Variants in PVT1 observed in about 807,000 individuals in gnomAD.
PVT1 encodes CXCR4/PVT1 fusion.
exon 3 of PVT1, chr8:127,890,974 C>T (rs1815593752): frequency 6.6e-6 from 1 of 152,450 alleles, no homozygotes; most frequent in Admixed American, 6.5e-5. Context: ...ATGCACGTTC[C>T]ATCCGGCGCT....
intron 3 of PVT1, among the ~76,000 whole-genome samples, chr8:127,950,416 G>A (rs985583940): frequency 5.9e-5 from 9 of 152,182 alleles, no homozygotes; most frequent in Admixed American, 1.3e-4. Context: ...GGGGAGATGC[G>A]GCCAGTTTCC....
At chr8:127,917,452 G>T (rs1206767827) in intron 3 of PVT1, among the ~76,000 whole-genome samples, 5 of 152,196 alleles carry the variant, frequency 3.3e-5, no homozygotes, top group Non-Finnish European at 7.3e-5. Flanking sequence ...TTTCATGAGG[G>T]TTATAGCCTG....
At chr8:127,912,795 C>G (rs1323968010) in intron 3 of PVT1, among the ~76,000 whole-genome samples, 1 of 152,020 alleles carries the variant, frequency 6.6e-6, no homozygotes, top group Non-Finnish European at 1.5e-5. Flanking sequence ...CTCCCGGGTT[C>G]AAGCAATTCT....
At chr8:127,919,010 T>C (rs953926644) in intron 3 of PVT1, among the ~76,000 whole-genome samples, 3 of 152,190 alleles carry the variant, frequency 2.0e-5, no homozygotes, top group Non-Finnish European at 2.9e-5. Flanking sequence ...TCGTTGGGGC[T>C]GTCCTGACAC....
rs1403308832 is a variant in PVT1 at position 127,898,515 on chromosome 8, C to T, written n.782+7517C>T. On this transcript the variant is annotated intron_variant and non_coding_transcript_variant, in intron 3 of 10. Transcript: ENST00000651587. This position sits in a 1 kb window ranked among gnomAD's most constrained non-coding sequence, Gnocchi z 4.4. Reference sequence around the variant, plus strand: ...TTGGAGACCAAGCTAGGCAGGGAAGCGCCTTTGCTTATCATGCTGGAGACC... The same window carrying T: ...TTGGAGACCAAGCTAGGCAGGGAAGTGCCTTTGCTTATCATGCTGGAGACC... 2.6e-5 allele frequency among the ~76,000 whole-genome samples: 4 copies of T among 152,186 alleles called. No individual in the cohort carries two copies. The highest frequency in any genetic ancestry group is 4.1e-4 in the South Asian group (2 of 4,828).
chr8:128,024,409 G>A (rs1455411002), intron 4 of PVT1, among the ~76,000 whole-genome samples: 1 of 152,108 alleles, frequency 6.6e-6, no homozygotes, highest in East Asian at 1.9e-4. Context: ...GATGGTTTGA[G>A]CCCAGGAATT....
chr8:127,984,846 T>C (rs369518182), intron 3 of PVT1, among the ~76,000 whole-genome samples: 3 of 13,156 alleles, frequency 2.3e-4, no homozygotes, highest in Non-Finnish European at 3.5e-4. Context: ...CTTTTCTTTC[T>C]TTCTTTCTTT....
rs576918597 is a variant in PVT1 at position 128,080,250 on chromosome 8, A to T, written n.1114+9889A>T. 5.4e-4 allele frequency among the ~76,000 whole-genome samples: 82 copies of T among 152,348 alleles called. 1 individual carries two copies. Among genetic ancestry groups the T allele is most frequent in the African/African-American group, 1.9e-3 (81 of 41,574 alleles). ...AAGTTTTCAGCTTATTTGGGTAAAT[A>T]TCAAGGTGTTCTGTTGCTAGATCTT... On this transcript the variant is annotated intron_variant and non_coding_transcript_variant, in intron 5 of 10. Coordinates refer to ENST00000651587, the Ensembl canonical transcript of PVT1.
At chr8:127,981,469 A>T (rs547032650) in intron 3 of PVT1, among the ~76,000 whole-genome samples, 4 of 152,360 alleles carry the variant, frequency 2.6e-5, no homozygotes, top group Admixed American at 1.3e-4. Context: ...CCAAGTGATC[A>T]GAACGCTTTT....
chr8:127,838,116 C>T (rs1169122497), intron 2 of PVT1, among the ~76,000 whole-genome samples: 2 of 151,902 alleles, frequency 1.3e-5, no homozygotes, highest in African/African-American at 2.4e-5. Flanking sequence ...AGGCTGGTCT[C>T]GAACTCCCAA....
chr8:128,005,338 G>A (rs1817233376), intron 4 of PVT1, among the ~76,000 whole-genome samples: 2 of 152,104 alleles, frequency 1.3e-5, no homozygotes, highest in African/African-American at 4.8e-5. Flanking sequence ...CTTCCAATGT[G>A]GCCCAGGGAA....
chr8:128,024,211 A>C (rs1183859237), intron 4 of PVT1, among the ~76,000 whole-genome samples: 1 of 152,222 alleles, frequency 6.6e-6, no homozygotes, highest in Non-Finnish European at 1.5e-5. Context: ...CGAAGGCTAC[A>C]CGGCAGTGAG....
intron 3 of PVT1, among the ~76,000 whole-genome samples, chr8:127,963,176 G>A (rs1299793781): frequency 2.0e-5 from 3 of 152,158 alleles, no homozygotes; most frequent in East Asian, 1.9e-4. Flanking sequence ...CCCCTCGCAC[G>A]GCAGCCTTCC....
At chr8:128,019,567 A>T (rs1009495956) in intron 4 of PVT1, among the ~76,000 whole-genome samples, 1 of 152,260 alleles carries the variant, frequency 6.6e-6, no homozygotes, top group Admixed American at 6.5e-5. Context: ...AAGTGCATAC[A>T]TGCTCACAAC....
At chr8:127,886,033 G>A (rs1815518795) in intron 2 of PVT1, among the ~76,000 whole-genome samples, 1 of 152,104 alleles carries the variant, frequency 6.6e-6, no homozygotes, top group Non-Finnish European at 1.5e-5. Flanking sequence ...GGAGGTGGAA[G>A]TTGCAGTGAG....
intron 5 of PVT1, among the ~76,000 whole-genome samples, chr8:128,086,643 C>T (rs1001941192): frequency 3.9e-5 from 6 of 152,356 alleles, no homozygotes; most frequent in African/African-American, 1.4e-4. Flanking sequence ...CAGAGAATTT[C>T]TTTTCATCCA....
At chr8:127,984,890 T>TTTCC in intron 3 of PVT1, among the ~76,000 whole-genome samples, 1 of 103,516 alleles carries the variant, frequency 9.7e-6, no homozygotes, top group South Asian at 3.9e-4. Flanking sequence ...TCTTTCTTTC[T>TTTCC]TTCTTTCTTT....
At chr8:127,866,808 C>T (rs1283729118) in intron 2 of PVT1, among the ~76,000 whole-genome samples, 1 of 152,180 alleles carries the variant, frequency 6.6e-6, no homozygotes, top group African/African-American at 2.4e-5. Context: ...GGCTCCGAGA[C>T]CTAGGCAGAT....
chr8:127,960,005 T>C (rs1816620058), intron 3 of PVT1, among the ~76,000 whole-genome samples: 2 of 152,206 alleles, frequency 1.3e-5, no homozygotes, highest in Non-Finnish European at 2.9e-5. Flanking sequence ...AGTATGTGAT[T>C]CCTGGAAGGG....
Sources: gnomAD v4.1 joint callset for allele counts (sites outside exome capture counted in the v4.1 genomes callset) on GRCh38, gnomAD v4.1.1 for gene constraint, Gnocchi (gnomAD v3.1) non-coding constraint, MANE v1.5 for transcripts, NCBI Gene and HGNC (gene_info 2026-07-23, HGNC 2026-07-21) for gene names.